SEPTIN7: variants seen among roughly 807,000 people sequenced by gnomAD.
SEPTIN7 encodes septin 7, also known as septin-7.
A neutral mutation model predicts 63.3 loss-of-function variants in SEPTIN7; 10 were observed. The ratio of observed to expected loss-of-function variants is 0.16; its 90% confidence interval spans 0.10 to 0.27. The LOEUF (loss-of-function observed/expected upper bound fraction) is 0.27, where lower values mean the gene tolerates loss of function less well. Ranked by LOEUF, SEPTIN7 falls within the 10% of genes least tolerant of loss-of-function variation. The pLI is 1.00. For synonymous variants in SEPTIN7, 131 were observed against 165.3 expected (o/e 0.79, Z 1.59); for missense variants, 310 against 521.0 (o/e 0.59, Z 3.94).
intron 3 of SEPTIN7, among the ~76,000 whole-genome samples, chr7:35,833,132 G>T (rs1226483179): frequency 1.3e-5 from 2 of 152,032 alleles, no homozygotes; most frequent in Non-Finnish European, 2.9e-5. Context: ...GGGTGATAGT[G>T]TTGGAGTGGA....
chr7:35,854,830 A>G (rs1284768991), intron 3 of SEPTIN7, among the ~76,000 whole-genome samples: 1 of 152,054 alleles, frequency 6.6e-6, no homozygotes, highest in African/African-American at 2.4e-5. Context: ...AGAAAAACTG[A>G]TATACAAAGA....
chr7:35,888,795 G>T (rs1357450395), intron 10 of SEPTIN7: 6 of 262,788 alleles, frequency 2.3e-5, no homozygotes. Context: ...ATTCCATCCA[G>T]CCTGGGCAAC....
At chr7:35,811,211 A>AT (rs1472400530) in intron 1 of SEPTIN7, among the ~76,000 whole-genome samples, 1 of 152,064 alleles carries the variant, frequency 6.6e-6, no homozygotes, top group Non-Finnish European at 1.5e-5. Flanking sequence ...CCATTTATAT[A>AT]TTTTTTTAAA....
In SEPTIN7 at chr7:35,882,448, A is replaced by G. The variant is rs188552658; in HGVS notation, c.631-36A>G. 747 of 1,400,248 alleles carry G rather than the reference A, an allele frequency of 5.3e-4. 2 individuals carry two copies. The African/African-American group carries it at 9.9e-3, about 19-fold the overall frequency. The allele number at this position is 1,400,248 out of a possible 1,614,324, so 86.7% of individuals were successfully genotyped here. On this transcript the variant is annotated intron_variant, in intron 7 of 13. Transcript: ENST00000350320. ...CATAAGACTAATATACTAATTATGT[A>G]TGGTGCTCTTTTGCTGACTACTTCT... is the stretch of plus-strand genomic sequence containing the variant.
intron 11 of SEPTIN7, among the ~76,000 whole-genome samples, chr7:35,895,996 A>C (rs1014428943): frequency 6.6e-6 from 1 of 152,154 alleles, no homozygotes; most frequent in African/African-American, 2.4e-5. Context: ...TTTTTAGTAA[A>C]GATGGAGTTT....
At chr7:35,803,202 G>A in intron 1 of SEPTIN7, 4 of 842,688 alleles carry the variant, frequency 4.7e-6, no homozygotes, top group Non-Finnish European at 5.7e-6. Context: ...CATAATACAT[G>A]AAAGGTAGTG....
chr7:35,811,955 TAAACAAAAAAC>T, intron 1 of SEPTIN7: 1 of 171,200 alleles, frequency 5.8e-6, no homozygotes, highest in Admixed American at 6.4e-5. Flanking sequence ...GTTTCAAAAA[TAAACAAAAAAC>T]AAACAAAAAA....
rs372669839 is a variant in SEPTIN7, at chr7:35,856,320, T to C, written c.170-7232T>C. On this transcript the variant is annotated intron_variant, in intron 3 of 13. Transcript: ENST00000350320. ...TCATGGTTTGGGAGCTGATTTCTTT[T>C]TGGTGCTGAGTGATATTCCATTTTC... is the stretch of plus-strand genomic sequence containing the variant. Among the ~76,000 whole-genome samples the C allele has an allele frequency of 2.0e-5, 3 of 152,216 alleles. No individual in the cohort carries two copies. The East Asian group carries it at 5.8e-4, about 29-fold the overall frequency.
At chr7:35,856,580 C>T (rs1785219120) in intron 3 of SEPTIN7, among the ~76,000 whole-genome samples, 1 of 152,166 alleles carries the variant, frequency 6.6e-6, no homozygotes, top group African/African-American at 2.4e-5. Flanking sequence ...TGGCGACTTC[C>T]AAGCTCCTTA....
intron 1 of SEPTIN7, chr7:35,812,142 AC>A (rs1186311993): frequency 2.3e-4 from 40 of 176,240 alleles, no homozygotes; most frequent in South Asian, 6.6e-4. Flanking sequence ...AAAAAAAAAA[AC>A]AAAAAAAAAA....
At position 35,904,301 on chromosome 7, in the gene SEPTIN7, A is replaced by C; in HGVS notation, c.*8A>C. The C allele has an allele frequency of 6.4e-7, 1 of 1,556,694 alleles. No homozygotes were observed. Among genetic ancestry groups the C allele is most frequent in the African/African-American group, 1.4e-5 (1 of 73,634 alleles). On this transcript the variant is annotated 3_prime_UTR_variant, in exon 14 of 14. Transcript: ENST00000350320. ...AAAGGGAAGATCTTTTAAACTCTCT[A>C]TTGACCACCAGTTAACGTATTAGTT...
At chr7:35,889,800 T>G (rs1266397851) in intron 10 of SEPTIN7, among the ~76,000 whole-genome samples, 2 of 152,182 alleles carry the variant, frequency 1.3e-5, no homozygotes, top group Non-Finnish European at 2.9e-5. Context: ...CGCCCCGGCC[T>G]CTCAAAGTGT....
At chr7:35,888,932 G>C (rs571100262) in intron 10 of SEPTIN7, 6 of 289,754 alleles carry the variant, frequency 2.1e-5, no homozygotes, top group Non-Finnish European at 3.5e-5. Context: ...GTTCCAAAAA[G>C]TGTTTATCAT....
Position 35,838,891 on chromosome 7 carries a change from G to A in SEPTIN7, c.169+5991G>A, listed in dbSNP as rs368231354. Among the ~76,000 whole-genome samples the A allele has an allele frequency of 3.9e-5, 6 of 152,244 alleles. No individual in the cohort carries two copies. The East Asian group carries it at 1.2e-3, about 29-fold the overall frequency. ...ATGGTTGAGTAGCCCTACCAAAACC[G>A]TTTGTTACAAGCTTAATTTTTAAAA... On this transcript the variant is annotated intron_variant, in intron 3 of 13. Coordinates refer to ENST00000350320, the MANE Select transcript of SEPTIN7 (RefSeq NM_001788.6).
intron 4 of SEPTIN7, 126 bp downstream of exon 4, chr7:35,863,784 G>T: frequency 2.1e-6 from 1 of 482,810 alleles, no homozygotes. Context: ...AGTGTATGAT[G>T]GTAAATATGA....
chr7:35,839,459 C>T (rs550020751), intron 3 of SEPTIN7, among the ~76,000 whole-genome samples: 18 of 152,122 alleles, frequency 1.2e-4, no homozygotes, highest in Admixed American at 8.5e-4. Flanking sequence ...AACATTTTAA[C>T]GATAATGCTT....
At chr7:35,806,958 TTTC>T (rs1489450510) in intron 1 of SEPTIN7, among the ~76,000 whole-genome samples, 1 of 152,242 alleles carries the variant, frequency 6.6e-6, no homozygotes, top group Non-Finnish European at 1.5e-5. Context: ...GATTGACTGT[TTTC>T]AGGAAAATCA....
chr7:35,822,700 G>C (rs10224436), intron 1 of SEPTIN7, among the ~76,000 whole-genome samples: 136 of 152,110 alleles, frequency 8.9e-4, no homozygotes, highest in African/African-American at 3.2e-3. Context: ...CCCTCTACTG[G>C]GATATTTATA....
intron 11 of SEPTIN7, among the ~76,000 whole-genome samples, chr7:35,892,144 T>C (rs1787687226): frequency 6.6e-6 from 1 of 152,212 alleles, no homozygotes; most frequent in African/African-American, 2.4e-5. Context: ...CTAGGTGTTA[T>C]CTACAATTAG....
Sources: allele counts gnomAD v4.1 joint callset (sites outside exome capture counted in the v4.1 genomes callset), GRCh38; gene constraint gnomAD v4.1.1; transcripts MANE v1.5; gene names NCBI Gene and HGNC (gene_info 2026-07-23, HGNC 2026-07-21).